Variants in EPHX2 observed in about 807,000 individuals in gnomAD.
EPHX2 encodes the protein epoxide hydrolase 2.
EPHX2 carries 74 observed loss-of-function variants against 78.7 expected under a neutral mutation model. That is an observed-to-expected ratio of 0.94 (90% CI 0.78 to 1.14). The LOEUF (loss-of-function observed/expected upper bound fraction) is 1.14, where lower values mean the gene tolerates loss of function less well. Among genes scored for constraint, EPHX2 ranks in the 50% most tolerant of loss-of-function variants. The probability of loss-of-function intolerance (pLI) is 0.00; values close to 1 mark genes in which losing one functional copy is unlikely to be tolerated. For missense variants in EPHX2, 715 were observed against 702.5 expected, an observed-to-expected ratio of 1.02 and a Z score of -0.20; for synonymous variants, 251 against 255.2, an observed-to-expected ratio of 0.98 and a Z score of 0.16.
intron 11 of EPHX2, 95 bp from the exon 12 acceptor site, chr8:27,525,267 C>A: frequency 9.3e-7 from 1 of 1,072,266 alleles, no homozygotes; most frequent in Non-Finnish European, 1.4e-6. Context: ...AATGTTCCCA[C>A]TCTGAGCTTC....
chr8:27,520,652 C>T (rs550837369), intron 9 of EPHX2, among the ~76,000 whole-genome samples: 5 of 152,246 alleles, frequency 3.3e-5, no homozygotes, highest in African/African-American at 1.2e-4. Flanking sequence ...GCTTAATCTC[C>T]TCCTCTGATC....
chr8:27,491,187 G>A lies in EPHX2; in HGVS notation c.-22G>A, dbSNP rs1813358599. The A allele has an allele frequency of 6.4e-7, 1 of 1,561,900 alleles. No individual in the cohort carries two copies. ...TCCCAGGTTAGCTGCGTGTCCGGGT[G>A]CTAGGCTGCAGACCCGCCGCCATGA... On this transcript the variant is annotated 5_prime_UTR_variant, in exon 1 of 19. Transcript: ENST00000521400.
At chr8:27,535,206 C>T (rs1412367722) in intron 12 of EPHX2, among the ~76,000 whole-genome samples, 18 of 152,012 alleles carry the variant, frequency 1.2e-4, no homozygotes. Context: ...GACAGAGTTT[C>T]GCTCTTTTTG....
intron 1 of EPHX2, among the ~76,000 whole-genome samples, chr8:27,494,261 C>T (rs1003705669): frequency 6.6e-6 from 1 of 152,138 alleles, no homozygotes; most frequent in Admixed American, 6.5e-5. Context: ...CATAAAAGGG[C>T]TTGGAAAGTT....
intron 5 of EPHX2, among the ~76,000 whole-genome samples, chr8:27,507,821 T>C (rs1814072453): frequency 6.6e-6 from 1 of 152,220 alleles, no homozygotes; most frequent in Non-Finnish European, 1.5e-5. Flanking sequence ...CCTCTCTCCT[T>C]GGCTTGAAGA....
chr8:27,511,220 A>C (rs538853976), intron 5 of EPHX2, among the ~76,000 whole-genome samples: 1 of 152,320 alleles, frequency 6.6e-6, no homozygotes, highest in East Asian at 1.9e-4. Context: ...AGAGAGTTTG[A>C]TTTTGGCCGA....
At chr8:27,503,190 C>G (rs1012294644) in intron 2 of EPHX2, among the ~76,000 whole-genome samples, 1 of 152,188 alleles carries the variant, frequency 6.6e-6, no homozygotes, top group Non-Finnish European at 1.5e-5. Context: ...TAACCAGACA[C>G]CAAATCTGCT....
chr8:27,492,316 C>G (rs1384914399), intron 1 of EPHX2, among the ~76,000 whole-genome samples: 3 of 152,146 alleles, frequency 2.0e-5, no homozygotes, highest in Non-Finnish European at 1.5e-5. Context: ...CAAGACCAGC[C>G]TGGGTGAAAG....
intron 9 of EPHX2, among the ~76,000 whole-genome samples, chr8:27,519,848 G>A (rs1278410103): frequency 1.3e-5 from 2 of 152,150 alleles, no homozygotes; most frequent in African/African-American, 4.8e-5. Context: ...CTCCATGCTG[G>A]TCACAGTCTG....
chr8:27,519,102 A>C (rs894366270), intron 9 of EPHX2, among the ~76,000 whole-genome samples: 4 of 152,224 alleles, frequency 2.6e-5, no homozygotes, highest in Admixed American at 6.5e-5. Flanking sequence ...TCATGAGTAC[A>C]TCCACAGCTA....
intron 2 of EPHX2, 39 bp downstream of exon 2, chr8:27,501,049 G>A (rs372114163): frequency 1.1e-5 from 18 of 1,570,294 alleles, no homozygotes; most frequent in South Asian, 5.6e-5. Flanking sequence ...TTGGATGAAC[G>A]TTCTCTGCCT....
chr8:27,505,059 GATAGAGTCGTGTCAGGTGGGAA>G lies in EPHX2; in HGVS notation c.451_472del (p.Ile151TrpfsTer16). On this transcript the variant is annotated frameshift_variant, in exon 4 of 19. Transcript: ENST00000521400. LOFTEE classifies it high-confidence loss of function. ...AGCTGAAGATGCACTTTGACTTCCT[GATAGAGTCGTGTCAGGTGGGAA>G]TGGTCAAACCTGAACCTCAGATCTA... The G allele has an allele frequency of 6.2e-7, 1 of 1,614,176 alleles. No homozygotes were observed. Among genetic ancestry groups the G allele is most frequent in the South Asian group, 1.1e-5 (1 of 91,074 alleles).
rs973105628 is a variant in EPHX2 at position 27,544,641 on chromosome 8, G to C, written c.*119G>C. 1.0e-6 allele frequency: 1 copy of C among 1,004,532 alleles called. No individual in the cohort carries two copies. The highest frequency in any genetic ancestry group is 1.5e-6 in the Non-Finnish European group (1 of 659,204). 62.2% of individuals were successfully genotyped at this position (1,004,532 alleles called of 1,614,324 possible). The stretch of plus-strand genomic sequence containing the variant: ...GCATGGATGGCAGCATTGTTCTGAA[G>C]GGGTTTGCAGAAAAAAAAGATTTTC... On this transcript the variant is annotated 3_prime_UTR_variant, in exon 19 of 19. Coordinates refer to ENST00000521400, the MANE Select transcript of EPHX2 (RefSeq NM_001979.6).
In EPHX2 at chr8:27,543,796, C is replaced by T. The variant is rs768721331; in HGVS notation, c.1497C>T (p.Leu499=). Residue 499 remains leucine (L), a synonymous_variant, in exon 17 of 19, where the codon CTC becomes CTT. Coordinates refer to ENST00000521400, the MANE Select transcript of EPHX2 (RefSeq NM_001979.6). ...TCACGGCGGAGAAGGACTTCGTGCT[C>T]GTTCCTCAGATGTCCCAGCACATGG... ...LMVTAEKDFV[L]VPQMSQHMED... is the part of the protein sequence containing the mutation. 16 of 1,613,982 alleles carry T rather than the reference C, an allele frequency of 9.9e-6. No homozygotes were observed. The highest frequency in any genetic ancestry group is 4.4e-5 in the South Asian group (4 of 91,062).
intron 9 of EPHX2, among the ~76,000 whole-genome samples, chr8:27,520,285 C>T (rs1814600632): frequency 6.6e-6 from 1 of 151,838 alleles, no homozygotes; most frequent in African/African-American, 2.4e-5. Flanking sequence ...CCTGCCTCAG[C>T]CTCCTGAGTA....
At chr8:27,507,702 A>G (rs1338901278) in intron 5 of EPHX2, among the ~76,000 whole-genome samples, 1 of 152,200 alleles carries the variant, frequency 6.6e-6, no homozygotes, top group Admixed American at 6.5e-5. Flanking sequence ...GGCTGCCATA[A>G]CAAAGTACTA....
At chr8:27,539,047 C>T (rs1815307193) in intron 14 of EPHX2, 1 of 226,744 alleles carries the variant, frequency 4.4e-6, no homozygotes, top group East Asian at 1.0e-4. Flanking sequence ...GAGTGGGGCC[C>T]CTGCCCAGGT....
chr8:27,513,995 C>CA (rs1814349530), intron 6 of EPHX2, among the ~76,000 whole-genome samples: 1 of 152,192 alleles, frequency 6.6e-6, no homozygotes. Context: ...TTTTCTTGAG[C>CA]AAAATAGCTT....
At chr8:27,495,334 G>A (rs1033581877) in intron 1 of EPHX2, among the ~76,000 whole-genome samples, 3 of 152,204 alleles carry the variant, frequency 2.0e-5, no homozygotes, top group Admixed American at 6.5e-5. Context: ...TTACTTTCAA[G>A]TACTGTTACA....
Sources: gnomAD v4.1 joint callset for allele counts (sites outside exome capture counted in the v4.1 genomes callset) on GRCh38, gnomAD v4.1.1 for gene constraint, MANE v1.5 for transcripts, NCBI Gene and HGNC (gene_info 2026-07-23, HGNC 2026-07-21) for gene names.